Variants in DPEP1 observed in about 807,000 individuals in gnomAD.
DPEP1 encodes the protein beta-lactamase.
In DPEP1, 50 loss-of-function variants were observed where a neutral mutation model predicts 42.3. That is an observed-to-expected ratio of 1.18 (90% CI 0.94 to 1.50). The LOEUF (loss-of-function observed/expected upper bound fraction) is 1.50. DPEP1 is among the 40% of genes most tolerant of loss of function. The pLI is 0.00. For synonymous variants in DPEP1, 297 were observed against 234.0 expected, an observed-to-expected ratio of 1.27 and a Z score of -2.46; for missense variants, 663 against 553.0, an observed-to-expected ratio of 1.20 and a Z score of -1.99.
chr16:89,633,929 C>T (rs1211546644), intron 2 of DPEP1, among the ~76,000 whole-genome samples: 2 of 152,064 alleles, frequency 1.3e-5, no homozygotes, highest in South Asian at 2.1e-4. Flanking sequence ...GACCCAGTGA[C>T]GGGGAAGGGG....
Position 89,636,558 on chromosome 16 carries a change from G to T in DPEP1, c.396G>T (p.Gly132=). The change falls in exon 5 of 11, where the codon GGG becomes GGT. Residue 132 remains glycine, a synonymous_variant. Transcript: ENST00000690203. ...GCATTCGGCAGGCCTTCCGGGAAGG[G>T]AAGGTGGCCAGCCTGATCGGCGTGG... ...SAGIRQAFRE[G]KVASLIGVEG... 6.2e-7 allele frequency: 1 copy of T among 1,612,574 alleles called. No individual in the cohort carries two copies. The highest frequency in any genetic ancestry group is 8.5e-7 in the Non-Finnish European group (1 of 1,179,942).
In DPEP1 at chr16:89,637,619, G is replaced by T. The variant is rs1026711552; in HGVS notation, c.854-13G>T. On this transcript the variant is annotated splice_polypyrimidine_tract_variant and intron_variant, in intron 8 of 10. Transcript: ENST00000690203. ...GCCTCACTCGGGACCCATACCTGCT[G>T]CTCCCTGGACAGACCATCTGGATCA... The T allele has an allele frequency of 6.2e-7, 1 of 1,612,872 alleles. No homozygotes were observed. The highest frequency in any genetic ancestry group is 8.5e-7 in the Non-Finnish European group (1 of 1,179,994).
chr16:89,640,480 T>C (rs1406143891), downstream of DPEP1: 1 of 842,856 alleles, frequency 1.2e-6, no homozygotes, highest in Admixed American at 6.2e-5. Flanking sequence ...CCGGGGTCCA[T>C]GCCCTTCCAT....
chr16:89,628,218 G>A (rs1031492719), intron 1 of DPEP1, among the ~76,000 whole-genome samples: 59 of 143,372 alleles, frequency 4.1e-4, no homozygotes, highest in African/African-American at 1.4e-3. Context: ...CACCACACCC[G>A]GCCACAAAAG....
intron 1 of DPEP1, among the ~76,000 whole-genome samples, chr16:89,627,946 G>T (rs971998793): frequency 6.6e-6 from 1 of 151,792 alleles, no homozygotes; most frequent in Admixed American, 6.6e-5. Flanking sequence ...TTTTTGAGAC[G>T]GAGTCTCGCT....
intron 1 of DPEP1, among the ~76,000 whole-genome samples, chr16:89,628,297 G>A (rs1290727292): frequency 7.5e-6 from 1 of 132,600 alleles, no homozygotes; most frequent in Non-Finnish European, 1.6e-5. Context: ...TACTCTTGTC[G>A]CCCAGGCTGG....
rs772527715 is a variant in DPEP1 at position 89,636,967 on chromosome 16, G to A, written c.591+32G>A. 1.5e-5 allele frequency: 24 copies of A among 1,609,336 alleles called. No individual in the cohort carries two copies. In the Admixed American group the frequency reaches 2.2e-4, roughly 15 times the overall value. ...GGGGTGGGAGCGGCCAGTCACCCCC[G>A]AGGAGAAGGCAGAGGCCCTGGAGGG... On this transcript the variant is annotated intron_variant, in intron 6 of 10. Coordinates refer to ENST00000690203, the MANE Select transcript of DPEP1 (RefSeq NM_001389466.1).
chr16:89,616,869 G>A (rs2059383569), intron 1 of DPEP1: 2 of 236,368 alleles, frequency 8.5e-6, no homozygotes, highest in South Asian at 3.6e-5. Flanking sequence ...GGCAGGAAGT[G>A]GGCAGGAAGC....
At chr16:89,616,810 AAG>A (rs2059382856) in intron 1 of DPEP1, 11 of 263,606 alleles carry the variant, frequency 4.2e-5, no homozygotes, top group South Asian at 3.0e-4. Flanking sequence ...AGCAGGCAGA[AAG>A]CGGCCAGGAA....
chr16:89,614,129 C>G (rs1017166011), intron 1 of DPEP1, among the ~76,000 whole-genome samples: 1 of 152,024 alleles, frequency 6.6e-6, no homozygotes, highest in Non-Finnish European at 1.5e-5. Context: ...CGGCGGCTTC[C>G]TGGGACTCAA....
At chr16:89,634,561 T>TC (rs151073891) in intron 2 of DPEP1, among the ~76,000 whole-genome samples, 413 of 12,140 alleles carry the variant, frequency 0.034, 43 homozygotes, top group East Asian at 0.24. Context: ...CCTTCTCCTT[T>TC]CCCTTCCTTC....
At chr16:89,633,538 T>C (rs1479827429) in intron 2 of DPEP1, among the ~76,000 whole-genome samples, 1 of 152,198 alleles carries the variant, frequency 6.6e-6, no homozygotes, top group African/African-American at 2.4e-5. Context: ...AGATTTGAGC[T>C]GGGTCACAGA....
intron 1 of DPEP1, among the ~76,000 whole-genome samples, chr16:89,617,700 TTGGGCA>T (rs2059394249): frequency 9.2e-5 from 1 of 10,866 alleles, no homozygotes; most frequent in African/African-American, 3.7e-4. Context: ...CTTTGGGAGG[TTGGGCA>T]CGGTGGCTCA....
At chr16:89,634,078 C>G (rs1266965638) in intron 2 of DPEP1, among the ~76,000 whole-genome samples, 1 of 134,524 alleles carries the variant, frequency 7.4e-6, no homozygotes, top group Non-Finnish European at 1.6e-5. Context: ...TTTTTCTTTT[C>G]TCTTCTCTTC....
rs967804352 is a variant in DPEP1 at position 89,632,769 on chromosome 16, G to A, written c.104+2255G>A. Among the ~76,000 whole-genome samples the A allele has an allele frequency of 2.6e-5, 4 of 152,266 alleles. No homozygotes were observed. In the East Asian group the frequency reaches 5.8e-4, roughly 22 times the overall value. On this transcript the variant is annotated intron_variant, in intron 2 of 10. Coordinates refer to ENST00000690203, the MANE Select transcript of DPEP1 (RefSeq NM_001389466.1). ...CATCGTTTTCTCCAGCAAGAGTGGA[G>A]AGGGCTGGCGGGGCACAGTGGCTCA...
At chr16:89,637,058 G>A in intron 6 of DPEP1, 123 bp downstream of exon 6, 7 of 1,523,786 alleles carry the variant, frequency 4.6e-6, no homozygotes, top group African/African-American at 1.4e-5. Context: ...GGAGCTGGCA[G>A]CCATCCCCCC....
In DPEP1 at chr16:89,637,556, G is replaced by C. The variant is rs767055820; in HGVS notation, c.853+4G>C. The C allele has an allele frequency of 6.2e-7, 1 of 1,612,774 alleles. No homozygotes were observed. Among genetic ancestry groups the C allele is most frequent in the Non-Finnish European group, 8.5e-7 (1 of 1,179,956 alleles). On this transcript the variant is annotated splice_donor_region_variant and intron_variant, in intron 8 of 10. Coordinates refer to ENST00000690203, the MANE Select transcript of DPEP1 (RefSeq NM_001389466.1). ...GCCAACCTGTCCCAAGTGGCCGGTA[G>C]GTGGGGTGTGAGCGGCCAAGGGGGC...
rs572321558 is a variant in DPEP1 at position 89,624,999 on chromosome 16, T to TG, written c.-106-5301dup. Among the ~76,000 whole-genome samples, 16 of 152,250 alleles carry TG rather than the reference T, an allele frequency of 1.1e-4. No individual in the cohort carries two copies. In the South Asian group the frequency reaches 3.3e-3, roughly 32 times the overall value. ...TTCCTTTCCATCTGGGACATGGTGGTGGGGGCTGTACGAGAGCAGCCTTTG... is the reference window on the plus strand; with the variant it reads ...TTCCTTTCCATCTGGGACATGGTGGTGGGGGGCTGTACGAGAGCAGCCTTTG... On this transcript the variant is annotated intron_variant, in intron 1 of 10. Coordinates refer to ENST00000690203, the MANE Select transcript of DPEP1 (RefSeq NM_001389466.1).
chr16:89,624,540 T>TG (rs1379547252), intron 1 of DPEP1, among the ~76,000 whole-genome samples: 6 of 150,752 alleles, frequency 4.0e-5, no homozygotes, highest in Non-Finnish European at 1.5e-5. Flanking sequence ...GGGGTTTGTT[T>TG]TTTTTTTGTT....
Sources: allele counts gnomAD v4.1 joint callset (sites outside exome capture counted in the v4.1 genomes callset), GRCh38; gene constraint gnomAD v4.1.1; transcripts MANE v1.5; gene names NCBI Gene and HGNC (gene_info 2026-07-23, HGNC 2026-07-21).